The following TENM3 variants were observed in gnomAD, a reference collection of about 807,000 sequenced individuals.
TENM3 encodes teneurin-3.
A neutral mutation model predicts 255.1 loss-of-function variants in TENM3; 63 were observed. The ratio of observed to expected loss-of-function variants is 0.25; its 90% CI spans 0.20 to 0.30. The LOEUF (loss-of-function observed/expected upper bound fraction) is 0.30, where lower values mean the gene tolerates loss of function less well. TENM3 is among the 10% of genes least tolerant of loss of function. The probability of loss-of-function intolerance (pLI) is 1.00; values close to 1 mark genes in which losing one functional copy is unlikely to be tolerated. For missense variants in TENM3, 2,929 were observed against 3,461.1 expected, an observed-to-expected ratio of 0.85 and a Z score of 3.86; for synonymous variants, 1,306 against 1,322.3, an observed-to-expected ratio of 0.99 and a Z score of 0.27.
At chr4:182,006,366 T>G in the TENM3 span, among the ~76,000 whole-genome samples, 1 of 152,196 alleles carries the variant, frequency 6.6e-6, no homozygotes. Context: ...CTGGGCTTTT[T>G]TGGTTGGTAG....
the TENM3 span, among the ~76,000 whole-genome samples, chr4:182,118,525 C>G: frequency 2.0e-4 from 31 of 152,076 alleles, no homozygotes; most frequent in African/African-American, 7.5e-4. Context: ...AAGCATCCCA[C>G]CCTTCTTGGC....
chr4:182,380,953 A>C (rs1275836274), intron 3 of TENM3, among the ~76,000 whole-genome samples: 1 of 152,188 alleles, frequency 6.6e-6, no homozygotes, highest in East Asian at 1.9e-4. Flanking sequence ...GCATGGAGAA[A>C]GCTGATGCAA....
chr4:181,628,151 G>A, the TENM3 span, among the ~76,000 whole-genome samples: 3 of 152,154 alleles, frequency 2.0e-5, no homozygotes, highest in Non-Finnish European at 4.4e-5. Flanking sequence ...AGAAGTGTCT[G>A]TTCCTATCCT....
chr4:181,475,838 G>A, the TENM3 span, among the ~76,000 whole-genome samples: 1 of 152,222 alleles, frequency 6.6e-6, no homozygotes, highest in Non-Finnish European at 1.5e-5. Flanking sequence ...CAAACTGAAT[G>A]TAGGTGATCA....
chr4:182,760,821 A>G (rs1763127012), intron 22 of TENM3, among the ~76,000 whole-genome samples: 1 of 152,188 alleles, frequency 6.6e-6, no homozygotes, highest in South Asian at 2.1e-4. Context: ...CACTGACATC[A>G]GTTCTCATGC....
At chr4:182,117,213 A>G in the TENM3 span, among the ~76,000 whole-genome samples, 1 of 152,278 alleles carries the variant, frequency 6.6e-6, no homozygotes, top group East Asian at 1.9e-4. Flanking sequence ...TCTTCTGCAA[A>G]TATCTTCTAG....
chr4:182,346,005 A>G (rs560819386), intron 2 of TENM3, among the ~76,000 whole-genome samples: 1 of 152,050 alleles, frequency 6.6e-6, no homozygotes. Flanking sequence ...TATGCAGCAA[A>G]TTTTTTAGAC....
At chr4:181,840,147 T>C in the TENM3 span, among the ~76,000 whole-genome samples, 8 of 152,258 alleles carry the variant, frequency 5.3e-5, no homozygotes, top group Non-Finnish European at 7.4e-5. Context: ...CTAAGTCACC[T>C]GTTTTTTCCT....
At chr4:182,599,081 G>A (rs919004413) in intron 3 of TENM3, among the ~76,000 whole-genome samples, 1 of 152,100 alleles carries the variant, frequency 6.6e-6, no homozygotes, top group African/African-American at 2.4e-5. Flanking sequence ...CACCAACCTA[G>A]TCTAGGCCCT....
chr4:182,398,157 C>A (rs1402443557), intron 3 of TENM3, among the ~76,000 whole-genome samples: 1 of 152,120 alleles, frequency 6.6e-6, no homozygotes, highest in Non-Finnish European at 1.5e-5. Context: ...AGTGAAACAC[C>A]AGATTGGATC....
At chr4:181,979,095 GACATATATATATATATATAT>G in the TENM3 span, among the ~76,000 whole-genome samples, 220 of 72,160 alleles carry the variant, frequency 3.0e-3, 5 homozygotes, top group African/African-American at 0.011. Flanking sequence ...CATTAAGCCT[GACATATATATATATATATAT>G]ATATATATAT....
At chr4:182,721,063 C>T (rs938005661) in intron 13 of TENM3, among the ~76,000 whole-genome samples, 5 of 151,718 alleles carry the variant, frequency 3.3e-5, no homozygotes, top group Non-Finnish European at 4.4e-5. Context: ...CCACCACGCC[C>T]GGCCTAAAAG....
the TENM3 span, among the ~76,000 whole-genome samples, chr4:181,594,984 G>C: frequency 6.6e-6 from 1 of 152,082 alleles, no homozygotes; most frequent in East Asian, 1.9e-4. Context: ...ATACCTCTGT[G>C]TTCAAAATAT....
At chr4:182,796,592 C>A in intron 26 of TENM3, 45 bp from the exon 27 acceptor site, 1 of 1,480,026 alleles carries the variant, frequency 6.8e-7, no homozygotes, top group Non-Finnish European at 9.0e-7. Context: ...TATGAAAGGA[C>A]AAAACAAACT....
chr4:181,546,646 A>G, the TENM3 span, among the ~76,000 whole-genome samples: 43,962 of 122,676 alleles, frequency 0.36, 8,845 homozygotes, highest in Admixed American at 0.49. Context: ...CCCGGGAGGC[A>G]GAGCTTGCAG....
chr4:181,937,515 A>T, the TENM3 span, among the ~76,000 whole-genome samples: 1 of 152,224 alleles, frequency 6.6e-6, no homozygotes, highest in Non-Finnish European at 1.5e-5. Context: ...TGGGAAGGAC[A>T]TTGAACAGGA....
At chr4:181,504,738 C>T in the TENM3 span, among the ~76,000 whole-genome samples, 11 of 152,166 alleles carry the variant, frequency 7.2e-5, no homozygotes, top group Non-Finnish European at 1.6e-4. Flanking sequence ...CCTTGAAGAC[C>T]TCAACCCACT....
chr4:182,275,647 A>T (rs1292984902), intron 1 of TENM3, among the ~76,000 whole-genome samples: 1 of 151,894 alleles, frequency 6.6e-6, no homozygotes, highest in Non-Finnish European at 1.5e-5. Context: ...AAGAAGAGAG[A>T]TGTTATGGGG....
chr4:182,799,910 C>G lies in TENM3; in HGVS notation c.7659C>G (p.Thr2553=). Residue 2553 remains threonine, a synonymous_variant, in exon 28 of 28, where the codon ACC becomes ACG. Coordinates refer to ENST00000511685, the MANE Select transcript of TENM3 (RefSeq NM_001080477.4). This position sits in a 1 kb window ranked among gnomAD's most constrained non-coding sequence, Gnocchi z 4.2. ...ACACGCACTACTTCATCAAGACCAC[C>G]ACGCCCGAGAGCGACCTGGGCACGC... ...GKDTHYFIKT[T]TPESDLGTLR... is the part of the protein sequence containing the mutation. 6.2e-7 allele frequency: 1 copy of G among 1,606,478 alleles called. No individual in the cohort carries two copies. The highest frequency in any genetic ancestry group is 8.5e-7 in the Non-Finnish European group (1 of 1,176,750).
Sources: allele counts gnomAD v4.1 joint callset (sites outside exome capture counted in the v4.1 genomes callset), GRCh38; gene constraint gnomAD v4.1.1; non-coding constraint Gnocchi (gnomAD v3.1); transcripts MANE v1.5; gene names NCBI Gene and HGNC (gene_info 2026-07-23, HGNC 2026-07-21).